Variants in ROCK2 observed in about 807,000 individuals in gnomAD.
ROCK2 encodes rho-associated protein kinase 2.
ROCK2 carries 61 observed loss-of-function variants against 195.1 expected under a neutral mutation model. The observed-to-expected ratio is 0.31, with a 90% CI of 0.25 to 0.39. ROCK2 has a LOEUF of 0.39. ROCK2 is among the 10% of genes least tolerant of loss of function. The pLI is 1.00. For missense variants in ROCK2, 1,109 were observed against 1,637.4 expected, an observed-to-expected ratio of 0.68 and a Z score of 5.57; for synonymous variants, 504 against 545.5, an observed-to-expected ratio of 0.92 and a Z score of 1.06.
In ROCK2 at chr2:11,201,697, CAT is replaced by C. The variant is rs1281512438; in HGVS notation, c.2620-286_2620-285del. On this transcript the variant is annotated intron_variant, in intron 21 of 32. Coordinates refer to ENST00000315872, the MANE Select transcript of ROCK2 (RefSeq NM_004850.5). The surrounding 1 kb of genome is among the most constrained non-coding windows in gnomAD (Gnocchi z 4.6). ...AAATGAATAAGGAGGCAAGGAAAAA[CAT>C]TAACAATTTAGACAAAAAAATGTTA... Among the ~76,000 whole-genome samples the C allele has an allele frequency of 6.6e-6, 1 of 152,118 alleles. No homozygotes were observed. The highest frequency in any genetic ancestry group is 1.5e-5 in the Non-Finnish European group (1 of 68,020).
intron 1 of ROCK2, among the ~76,000 whole-genome samples, chr2:11,325,823 G>T (rs1325141397): frequency 6.6e-6 from 1 of 152,136 alleles, no homozygotes; most frequent in East Asian, 1.9e-4. Context: ...TAATAATCTA[G>T]AAATAGCATG....
intron 3 of ROCK2, among the ~76,000 whole-genome samples, chr2:11,269,775 G>A (rs182751788): frequency 8.5e-5 from 13 of 152,210 alleles, no homozygotes; most frequent in African/African-American, 3.1e-4. Flanking sequence ...TTAAGAGATG[G>A]GGTCTTGCTC....
intron 3 of ROCK2, among the ~76,000 whole-genome samples, chr2:11,253,103 G>A (rs2148132606): frequency 6.6e-6 from 1 of 152,034 alleles, no homozygotes; most frequent in South Asian, 2.1e-4. Context: ...CCATCCAGTT[G>A]GTGCTCCTTT....
intron 3 of ROCK2, among the ~76,000 whole-genome samples, chr2:11,266,051 T>C (rs1425388877): frequency 1.3e-5 from 2 of 152,222 alleles, no homozygotes; most frequent in East Asian, 3.8e-4. Flanking sequence ...CCCACTAGCA[T>C]AGGCCTACAG....
chr2:11,237,747 T>C lies in ROCK2; in HGVS notation c.463-1785A>G, dbSNP rs1195661066. Among the ~76,000 whole-genome samples, 4 of 152,316 alleles carry C rather than the reference T, an allele frequency of 2.6e-5. No homozygotes were observed. The East Asian group carries it at 5.8e-4, about 22-fold the overall frequency. On this transcript the variant is annotated intron_variant, in intron 4 of 32. Transcript: ENST00000315872. The stretch of plus-strand genomic sequence containing the variant: ...ATGAAATTTTATAATTGACAGACCA[T>C]TTTCAAAAAAATTATTCAAGAATAT...
intron 4 of ROCK2, among the ~76,000 whole-genome samples, chr2:11,243,595 T>A (rs944220316): frequency 6.6e-6 from 1 of 152,058 alleles, no homozygotes; most frequent in East Asian, 1.9e-4. Flanking sequence ...ATAACCCTAG[T>A]ATAATTAATA....
intron 20 of ROCK2, among the ~76,000 whole-genome samples, chr2:11,204,889 C>A (rs1294725774): frequency 1.3e-5 from 2 of 152,112 alleles, no homozygotes; most frequent in East Asian, 3.9e-4. Flanking sequence ...CCTCCGGGGG[C>A]ACTTTTCCTC....
At chr2:11,202,718 G>A (rs544125455) in intron 20 of ROCK2, among the ~76,000 whole-genome samples, 10 of 151,894 alleles carry the variant, frequency 6.6e-5, no homozygotes, top group South Asian at 6.2e-4. Context: ...GGATGGTCTC[G>A]ATCTCCTGAC....
At position 11,236,165 on chromosome 2, in the gene ROCK2, T is replaced by C. The variant is rs967986937; in HGVS notation, c.463-203A>G. 4.6e-4 allele frequency among the ~76,000 whole-genome samples: 70 copies of C among 152,256 alleles called. 1 individual carries two copies. Among genetic ancestry groups the C allele is most frequent in the African/African-American group, 1.4e-3 (58 of 41,552 alleles). ...CAGACAAAATTTTTATATGGGTACC[T>C]TATTCAAGCATAAATGAATATTTCC... On this transcript the variant is annotated intron_variant, in intron 4 of 32. Transcript: ENST00000315872.
intron 6 of ROCK2, 35 bp downstream of exon 6, chr2:11,227,219 G>C: frequency 6.4e-7 from 1 of 1,556,792 alleles, no homozygotes; most frequent in Non-Finnish European, 8.8e-7. Context: ...ATTATAAGAA[G>C]CATTTTGAAA....
intron 1 of ROCK2, among the ~76,000 whole-genome samples, chr2:11,311,761 G>C (rs1405258109): frequency 6.7e-6 from 1 of 149,666 alleles, no homozygotes; most frequent in Non-Finnish European, 1.5e-5. Context: ...AAGCGCACAC[G>C]CGCGTGCACA....
At chr2:11,193,082 G>C (rs2290156) in intron 30 of ROCK2, among the ~76,000 whole-genome samples, 37,663 of 152,074 alleles carry the variant, frequency 0.25, 5,390 homozygotes, top group East Asian at 0.54. Context: ...AAGAAATGTG[G>C]CAATCACACT....
intron 5 of ROCK2, among the ~76,000 whole-genome samples, chr2:11,231,845 T>C (rs539881076): frequency 2.8e-4 from 42 of 152,324 alleles, no homozygotes; most frequent in Non-Finnish European, 4.9e-4. Flanking sequence ...ATTTTATTTT[T>C]GCTTTTATCC....
At chr2:11,343,884 G>T (rs1453932704) in intron 1 of ROCK2, 112 bp downstream of exon 1, 2 of 1,334,160 alleles carry the variant, frequency 1.5e-6, no homozygotes, top group African/African-American at 3.1e-5. Context: ...AGCAGGGCGG[G>T]GTGGGGCAAG....
chr2:11,213,271 C>T (rs578031110), intron 17 of ROCK2, among the ~76,000 whole-genome samples: 1 of 152,212 alleles, frequency 6.6e-6, no homozygotes, highest in African/African-American at 2.4e-5. Context: ...CTTTAATGTA[C>T]CTCTAATAAG....
At chr2:11,187,562 A>C (rs984272497) in intron 32 of ROCK2, among the ~76,000 whole-genome samples, 2 of 152,232 alleles carry the variant, frequency 1.3e-5, no homozygotes, top group Non-Finnish European at 2.9e-5. Flanking sequence ...TTTCCATAAT[A>C]ATGCCTGCAT....
At chr2:11,322,233 A>C (rs1174523867) in intron 1 of ROCK2, among the ~76,000 whole-genome samples, 1 of 152,190 alleles carries the variant, frequency 6.6e-6, no homozygotes, top group Non-Finnish European at 1.5e-5. Flanking sequence ...TACTACACAA[A>C]ACTATCTTTC....
chr2:11,194,257 C>T lies in ROCK2; in HGVS notation c.3607G>A (p.Asp1203Asn). The T allele has an allele frequency of 7.6e-7, 1 of 1,320,234 alleles. No homozygotes were observed. The allele number at this position is 1,320,234 out of a possible 1,614,324, so 81.8% of individuals were successfully genotyped here. ...AAATATTCTAACAAAAACACTTACTCTATATCTAAAACCATGTAAGGATTG... is the reference window on the plus strand; with the variant it reads ...AAATATTCTAACAAAAACACTTACTTTATATCTAAAACCATGTAAGGATTG... ...QSNPYMVLDI[D>N]KLFHVRPVTQ... Residue 1203 changes from aspartate to asparagine, a missense_variant and splice_region_variant, in exon 29 of 33, where the codon GAC becomes AAC. By Grantham distance (23) the Asp-to-Asn change is conservative. Transcript: ENST00000315872.
intron 3 of ROCK2, among the ~76,000 whole-genome samples, chr2:11,273,415 T>A (rs1281548632): frequency 6.6e-6 from 1 of 151,824 alleles, no homozygotes; most frequent in Non-Finnish European, 1.5e-5. Flanking sequence ...AAAAAAAACA[T>A]TATATCTTAA....
Sources: allele counts gnomAD v4.1 joint callset (sites outside exome capture counted in the v4.1 genomes callset), GRCh38; gene constraint gnomAD v4.1.1; non-coding constraint Gnocchi (gnomAD v3.1); transcripts MANE v1.5; gene names NCBI Gene and HGNC (gene_info 2026-07-23, HGNC 2026-07-21).